Variants in JMJD1C observed in about 807,000 individuals in gnomAD.
JMJD1C encodes jumonji domain containing 1C.
JMJD1C carries 31 observed loss-of-function variants against 245.3 expected under a neutral mutation model. The observed-to-expected ratio is 0.13, with a 90% CI of 0.09 to 0.17. JMJD1C has a LOEUF of 0.17. Ranked by LOEUF, JMJD1C falls within the 10% of genes least tolerant of loss-of-function variation. The pLI is 1.00. For synonymous variants in JMJD1C, 1,057 were observed against 1,017.4 expected, an observed-to-expected ratio of 1.04 and a Z score of -0.74; for missense variants, 2,691 against 3,000.2, an observed-to-expected ratio of 0.90 and a Z score of 2.41.
chr10:63,304,147 T>C (rs1172607921), intron 2 of JMJD1C, among the ~76,000 whole-genome samples: 2 of 152,230 alleles, frequency 1.3e-5, no homozygotes, highest in Non-Finnish European at 2.9e-5. Flanking sequence ...TAGTACTATA[T>C]AAAATATCTT....
chr10:63,304,498 A>G (rs1397310981), intron 2 of JMJD1C, among the ~76,000 whole-genome samples: 1 of 152,222 alleles, frequency 6.6e-6, no homozygotes, highest in Middle Eastern at 3.2e-3. Flanking sequence ...AAGAAATAAA[A>G]GACGTGGGAT....
intron 1 of JMJD1C, chr10:63,427,388 G>C: frequency 9.1e-7 from 1 of 1,098,312 alleles, no homozygotes; most frequent in Non-Finnish European, 1.3e-6. Context: ...AATCCCTATA[G>C]CAAACATGTC....
intron 18 of JMJD1C, among the ~76,000 whole-genome samples, chr10:63,187,844 T>C (rs952806013): frequency 6.6e-6 from 1 of 152,232 alleles, no homozygotes; most frequent in Non-Finnish European, 1.5e-5. Context: ...AATTTGATTA[T>C]ACAGATTCCA....
intron 4 of JMJD1C, among the ~76,000 whole-genome samples, chr10:63,218,127 A>C (rs907857281): frequency 1.3e-5 from 2 of 152,086 alleles, no homozygotes; most frequent in African/African-American, 4.8e-5. Context: ...GTGCTTTCAA[A>C]ATTTTCAAGT....
chr10:63,509,966 T>G (rs1325851147), intron 1 of JMJD1C, among the ~76,000 whole-genome samples: 1 of 152,028 alleles, frequency 6.6e-6, no homozygotes, highest in African/African-American at 2.4e-5. Flanking sequence ...GTGTTCTTTT[T>G]CTGTTTCCTA....
At chr10:63,314,625 TTTTG>T (rs1939691216) in intron 2 of JMJD1C, among the ~76,000 whole-genome samples, 1 of 151,898 alleles carries the variant, frequency 6.6e-6, no homozygotes, top group South Asian at 2.1e-4. Flanking sequence ...GGATTCAAAG[TTTTG>T]TTTTTTTTTT....
intron 2 of JMJD1C, among the ~76,000 whole-genome samples, chr10:63,315,509 GT>G (rs1003703091): frequency 1.3e-5 from 2 of 152,114 alleles, no homozygotes; most frequent in Non-Finnish European, 2.9e-5. Flanking sequence ...TTGCCTGGAA[GT>G]TTTTTTCTCT....
chr10:63,251,055 A>G (rs959719563), intron 3 of JMJD1C, among the ~76,000 whole-genome samples: 4 of 152,166 alleles, frequency 2.6e-5, no homozygotes, highest in Non-Finnish European at 5.9e-5. Context: ...GGCATGAGCC[A>G]CCACAACTAG....
chr10:63,274,161 G>A (rs1386744177), intron 2 of JMJD1C, among the ~76,000 whole-genome samples: 1 of 152,170 alleles, frequency 6.6e-6, no homozygotes, highest in Non-Finnish European at 1.5e-5. Flanking sequence ...GGCCTTACAA[G>A]AAAGCTGACT....
At chr10:63,361,492 A>G (rs1832760168) in intron 2 of JMJD1C, among the ~76,000 whole-genome samples, 1 of 152,192 alleles carries the variant, frequency 6.6e-6, no homozygotes, top group African/African-American at 2.4e-5. Flanking sequence ...GGTATACATC[A>G]AATACTAAAA....
intron 1 of JMJD1C, among the ~76,000 whole-genome samples, chr10:63,433,683 T>C (rs550314571): frequency 4.4e-4 from 66 of 150,544 alleles, no homozygotes; most frequent in South Asian, 2.7e-3. Flanking sequence ...CCTCTGGCAC[T>C]CAAGTGATCC....
chr10:63,248,454 G>T (rs1469799153), intron 3 of JMJD1C, among the ~76,000 whole-genome samples: 1 of 151,898 alleles, frequency 6.6e-6, no homozygotes, highest in Non-Finnish European at 1.5e-5. Context: ...CCGGGAGGCA[G>T]AGGTTGCAGT....
chr10:63,519,209 CTT>C (rs1460120431), intron 1 of JMJD1C, among the ~76,000 whole-genome samples: 2 of 152,258 alleles, frequency 1.3e-5, no homozygotes, highest in East Asian at 3.9e-4. Flanking sequence ...CAAAATGAAA[CTT>C]AACGCACAGC....
At chr10:63,424,186 T>A (rs1272792645) in intron 1 of JMJD1C, among the ~76,000 whole-genome samples, 1 of 151,704 alleles carries the variant, frequency 6.6e-6, no homozygotes, top group Admixed American at 6.6e-5. Flanking sequence ...CTCAGCCTCC[T>A]GAGTAGCAGC....
At chr10:63,493,376 C>G (rs1420127315) in intron 1 of JMJD1C, among the ~76,000 whole-genome samples, 1 of 146,722 alleles carries the variant, frequency 6.8e-6, no homozygotes, top group Non-Finnish European at 1.5e-5. Context: ...ATTCTCCTGC[C>G]TCTGCCTCAT....
At chr10:63,401,584 TATTTAGG>T (rs1229993394) in intron 1 of JMJD1C, among the ~76,000 whole-genome samples, 4 of 152,278 alleles carry the variant, frequency 2.6e-5, no homozygotes, top group Non-Finnish European at 5.9e-5. Flanking sequence ...TGTTTCAATG[TATTTAGG>T]ATTGTTTCAT....
chr10:63,420,296 G>A (rs1325830317), intron 1 of JMJD1C, among the ~76,000 whole-genome samples: 1 of 152,146 alleles, frequency 6.6e-6, no homozygotes, highest in Non-Finnish European at 1.5e-5. Context: ...AAGTATTTCT[G>A]TAAAACTAAA....
intron 2 of JMJD1C, among the ~76,000 whole-genome samples, chr10:63,298,557 C>A (rs1447339093): frequency 6.6e-6 from 1 of 152,098 alleles, no homozygotes; most frequent in African/African-American, 2.4e-5. Context: ...CTCTAACGAC[C>A]TCATCTTAAT....
chr10:63,392,867 A>AAAACACACAC, intron 1 of JMJD1C, among the ~76,000 whole-genome samples: 1 of 112,282 alleles, frequency 8.9e-6, no homozygotes, highest in South Asian at 3.2e-4. Context: ...AAAGTACATA[A>AAAACACACAC]ACACACACAC....
Sources: allele counts gnomAD v4.1 joint callset (sites outside exome capture counted in the v4.1 genomes callset), GRCh38; gene constraint gnomAD v4.1.1; transcripts MANE v1.5; gene names NCBI Gene and HGNC (gene_info 2026-07-23, HGNC 2026-07-21).